Variants in RFTN2 observed in about 807,000 individuals in gnomAD.
RFTN2 encodes the protein raftlin-2.
Under a neutral mutation model 52.7 loss-of-function variants are expected in RFTN2, and 34 were observed. The observed-to-expected ratio is 0.64, with a 90% CI of 0.49 to 0.86. The LOEUF (loss-of-function observed/expected upper bound fraction) is 0.86, where lower values mean the gene tolerates loss of function less well. Among genes scored for constraint, RFTN2 ranks in the 40% least tolerant of loss-of-function variants. RFTN2 has a pLI of 0.00. For missense variants in RFTN2, 536 were observed against 600.1 expected, an observed-to-expected ratio of 0.89 and a Z score of 1.12; for synonymous variants, 203 against 217.7, an observed-to-expected ratio of 0.93 and a Z score of 0.59.
rs1324442280 is a variant in RFTN2 at position 197,660,587 on chromosome 2, CT to C, written c.140-13922del. ...TATTTATCATTTCTTTTTTCTTTTT[CT>C]TTTTTTTTTTGAGGCAGTCTTACTG... On this transcript the variant is annotated intron_variant, in intron 1 of 8. Coordinates refer to ENST00000295049, the MANE Select transcript of RFTN2 (RefSeq NM_144629.3). 2.8e-3 allele frequency among the ~76,000 whole-genome samples: 405 copies of C among 144,778 alleles called. 3 individuals are homozygous for C. The highest frequency in any genetic ancestry group is 8.1e-3 in the African/African-American group (322 of 39,826). 95.0% of individuals were successfully genotyped at this position (144,778 alleles called of 152,430 possible). A position where few individuals can be genotyped will look rare whatever the true frequency, so the allele number is the denominator to read the frequency against.
chr2:197,576,260 C>T (rs2087417774), intron 8 of RFTN2, among the ~76,000 whole-genome samples: 2 of 152,088 alleles, frequency 1.3e-5, no homozygotes, highest in Admixed American at 1.3e-4. Flanking sequence ...CCCACCTCTG[C>T]CTCCCAAAGT....
rs956429224 is a variant in RFTN2 at position 197,569,452 on chromosome 2, G to T, written c.*2556C>A. 2.0e-5 allele frequency: 3 copies of T among 151,934 alleles called. No homozygotes were observed. The highest frequency in any genetic ancestry group is 4.8e-5 in the African/African-American group (2 of 41,334). The allele number at this position is 151,934 out of a possible 1,614,324, so 9.4% of individuals were successfully genotyped here. ...AGAACCACTTGATCATAAATTATTC[G>T]CTATCATACAAATTCATCACATAAC... is the stretch of plus-strand genomic sequence containing the variant. On this transcript the variant is annotated 3_prime_UTR_variant, in exon 9 of 9. Transcript: ENST00000295049.
intron 8 of RFTN2, among the ~76,000 whole-genome samples, chr2:197,586,629 C>T (rs2087603199): frequency 6.6e-6 from 1 of 152,174 alleles, no homozygotes; most frequent in East Asian, 1.9e-4. Context: ...AATTCCCTTG[C>T]TTGTCAGTTT....
chr2:197,644,711 C>A (rs967058225), intron 2 of RFTN2, among the ~76,000 whole-genome samples: 1 of 152,052 alleles, frequency 6.6e-6, no homozygotes, highest in African/African-American at 2.4e-5. Context: ...CTGAAGTAAT[C>A]CTAAAAGCAG....
intron 7 of RFTN2, among the ~76,000 whole-genome samples, chr2:197,601,069 G>T (rs1224003117): frequency 6.6e-6 from 1 of 152,162 alleles, no homozygotes; most frequent in African/African-American, 2.4e-5. Context: ...TGAAGGACAG[G>T]TCAGCCAGGG....
chr2:197,675,177 A>G (rs1331005654), intron 1 of RFTN2, 143 bp downstream of exon 1: 20 of 586,780 alleles, frequency 3.4e-5, no homozygotes, highest in Non-Finnish European at 5.0e-5. Context: ...CTTACAAAGT[A>G]TAATTAAGAA....
chr2:197,637,669 T>A (rs1479876267), intron 3 of RFTN2, among the ~76,000 whole-genome samples: 1 of 152,088 alleles, frequency 6.6e-6, no homozygotes, highest in East Asian at 1.9e-4. Flanking sequence ...ATCAATTTTG[T>A]TGATCCTTTC....
chr2:197,625,825 G>C (rs1025256401), intron 5 of RFTN2, among the ~76,000 whole-genome samples: 7 of 150,188 alleles, frequency 4.7e-5, no homozygotes, highest in Non-Finnish European at 8.9e-5. Context: ...TGTTGCCCAG[G>C]CTGCACTGCC....
chr2:197,583,138 A>C (rs976898434), intron 8 of RFTN2, among the ~76,000 whole-genome samples: 1 of 152,216 alleles, frequency 6.6e-6, no homozygotes, highest in African/African-American at 2.4e-5. Flanking sequence ...CATCATGGAA[A>C]TCTATCCTTA....
intron 8 of RFTN2, among the ~76,000 whole-genome samples, chr2:197,592,093 G>A (rs888007636): frequency 1.3e-5 from 2 of 152,324 alleles, no homozygotes; most frequent in Non-Finnish European, 2.9e-5. Context: ...TGAGGGCTGC[G>A]AGGGTTGCCA....
chr2:197,588,521 T>G (rs2087638126), intron 8 of RFTN2, among the ~76,000 whole-genome samples: 2 of 152,238 alleles, frequency 1.3e-5, no homozygotes, highest in African/African-American at 4.8e-5. Context: ...CAGTCCTTTT[T>G]ATTTCTGAGT....
intron 5 of RFTN2, among the ~76,000 whole-genome samples, chr2:197,622,034 A>G (rs996141562): frequency 2.0e-5 from 3 of 152,246 alleles, no homozygotes; most frequent in African/African-American, 7.2e-5. Context: ...AAGCAGCCAC[A>G]AGCAGTCCCT....
intron 8 of RFTN2, among the ~76,000 whole-genome samples, chr2:197,590,575 T>G (rs527345301): frequency 3.9e-4 from 59 of 152,340 alleles, no homozygotes; most frequent in African/African-American, 1.3e-3. Flanking sequence ...TTGATCTCAC[T>G]GACCTCAAGA....
chr2:197,583,235 C>T (rs566877361), intron 8 of RFTN2, among the ~76,000 whole-genome samples: 53 of 152,256 alleles, frequency 3.5e-4, no homozygotes, highest in African/African-American at 1.1e-3. Flanking sequence ...ACATCAAGCT[C>T]GGGGATTAGC....
chr2:197,596,673 G>T (rs2087797258), intron 7 of RFTN2, among the ~76,000 whole-genome samples: 1 of 152,150 alleles, frequency 6.6e-6, no homozygotes, highest in African/African-American at 2.4e-5. Context: ...TGAATACTTA[G>T]GAGTGGGATT....
In RFTN2 at chr2:197,675,471, A is replaced by G. The variant is rs761142604; in HGVS notation, c.-13T>C. 2.6e-6 allele frequency: 4 copies of G among 1,541,222 alleles called. No individual in the cohort carries two copies. Among genetic ancestry groups the G allele is most frequent in the Non-Finnish European group, 3.5e-6 (4 of 1,144,720 alleles). ...GTCCGCACCCCATGGCAAAATCTGT[A>G]AGGAATTAAATTGCAGGAAAGGGGA... On this transcript the variant is annotated 5_prime_UTR_variant, in exon 1 of 9. Transcript: ENST00000295049.
chr2:197,594,973 G>A (rs774689223), intron 8 of RFTN2, among the ~76,000 whole-genome samples: 43 of 152,176 alleles, frequency 2.8e-4, no homozygotes, highest in South Asian at 1.7e-3. Context: ...ATAAAACAAC[G>A]TTTTCTTGAT....
intron 7 of RFTN2, among the ~76,000 whole-genome samples, chr2:197,605,416 T>C (rs371060952): frequency 3.1e-4 from 47 of 152,082 alleles, no homozygotes; most frequent in East Asian, 2.9e-3. Context: ...GGGGTTTCAC[T>C]GTGTTAGCCA....
intron 8 of RFTN2, among the ~76,000 whole-genome samples, chr2:197,577,706 C>G (rs1169394798): frequency 6.6e-6 from 1 of 152,140 alleles, no homozygotes; most frequent in Non-Finnish European, 1.5e-5. Flanking sequence ...CAGAGTTTCT[C>G]TCTGTCACCC....
Sources: gnomAD v4.1 joint callset for allele counts (sites outside exome capture counted in the v4.1 genomes callset) on GRCh38, gnomAD v4.1.1 for gene constraint, MANE v1.5 for transcripts, NCBI Gene and HGNC (gene_info 2026-07-23, HGNC 2026-07-21) for gene names.